The following PMFBP1 variants were observed in gnomAD, a reference collection of about 807,000 sequenced individuals.
The protein encoded by PMFBP1 is polyamine-modulated factor 1-binding protein 1.
A neutral mutation model predicts 137.8 loss-of-function variants in PMFBP1; 131 were observed. The observed-to-expected ratio is 0.95, with a 90% confidence interval of 0.82 to 1.10. PMFBP1 has a LOEUF of 1.10. PMFBP1 is among the 50% of genes least tolerant of loss of function. PMFBP1 has a pLI of 0.00. For synonymous variants in PMFBP1, 490 were observed against 450.4 expected (o/e 1.09, Z -1.11); for missense variants, 1,199 against 1,175.4 (o/e 1.02, Z -0.29).
At chr16:72,228,065 G>T in the PMFBP1 span, among the ~76,000 whole-genome samples, 1 of 152,098 alleles carries the variant, frequency 6.6e-6, no homozygotes, top group Non-Finnish European at 1.5e-5. Flanking sequence ...CCCATCAAAG[G>T]TTTTCAAACT....
upstream of PMFBP1, among the ~76,000 whole-genome samples, chr16:72,173,633 AG>A (rs1490503555): frequency 6.6e-6 from 1 of 152,250 alleles, no homozygotes; most frequent in Non-Finnish European, 1.5e-5. Context: ...GCAGTTTGGA[AG>A]GGCTTATGAT....
intron 19 of PMFBP1, among the ~76,000 whole-genome samples, chr16:72,121,901 A>G (rs1441172402): frequency 6.6e-6 from 1 of 152,030 alleles, no homozygotes; most frequent in African/African-American, 2.4e-5. Flanking sequence ...TTTCACTTTT[A>G]TTTTATTTTC....
At chr16:72,151,164 A>G (rs1273855559) in intron 4 of PMFBP1, among the ~76,000 whole-genome samples, 1 of 152,182 alleles carries the variant, frequency 6.6e-6, no homozygotes, top group Non-Finnish European at 1.5e-5. Flanking sequence ...AGGGCTTGAA[A>G]TGCTGGTATT....
At chr16:72,145,778 A>T (rs1016776691) in intron 5 of PMFBP1, among the ~76,000 whole-genome samples, 6 of 152,254 alleles carry the variant, frequency 3.9e-5, no homozygotes, top group Non-Finnish European at 5.9e-5. Context: ...TAGAAAATCT[A>T]GAAGAAATGG....
the PMFBP1 span, among the ~76,000 whole-genome samples, chr16:72,248,387 CTT>C: frequency 6.6e-6 from 1 of 152,098 alleles, no homozygotes; most frequent in African/African-American, 2.4e-5. Context: ...AGTTAAAACA[CTT>C]TATATCATTG....
chr16:72,125,144 A>G (rs2042435365), intron 16 of PMFBP1, 94 bp downstream of exon 16: 3 of 1,488,870 alleles, frequency 2.0e-6, no homozygotes, highest in Non-Finnish European at 2.7e-6. Context: ...TAGCAGCCCA[A>G]GGGAATGACT....
chr16:72,150,785 T>C lies in PMFBP1; in HGVS notation c.459A>G (p.Thr153=). The C allele has an allele frequency of 6.2e-7, 1 of 1,614,188 alleles. No individual in the cohort carries two copies. The highest frequency in any genetic ancestry group is 8.5e-7 in the Non-Finnish European group (1 of 1,180,032). Reference sequence around the variant, plus strand: ...CCTGCGCCAAATGGAGCTTCTCCCCTGTGTTCTCGTTGTGATTTCCCATTT... The same window carrying C: ...CCTGCGCCAAATGGAGCTTCTCCCCCGTGTTCTCGTTGTGATTTCCCATTT... The part of the protein sequence containing the change: ...EEEMGNHNEN[T]GEKLHLAQEQ... Residue 153 remains threonine, a synonymous_variant, in exon 5 of 21, where the codon ACA becomes ACG. Transcript: ENST00000237353.
At chr16:72,116,862 G>A (rs2042313523), downstream of PMFBP1, among the ~76,000 whole-genome samples, 1 of 152,010 alleles carries the variant, frequency 6.6e-6, no homozygotes, top group African/African-American at 2.4e-5. Flanking sequence ...TGGTTTGTAT[G>A]TCTGTCTTTT....
At chr16:72,127,712 G>A (rs754465757) in intron 14 of PMFBP1, among the ~76,000 whole-genome samples, 26 of 152,160 alleles carry the variant, frequency 1.7e-4, no homozygotes, top group Non-Finnish European at 3.5e-4. Context: ...AATGGTATTA[G>A]GTCTAGATGG....
chr16:72,139,297 T>C lies in PMFBP1; in HGVS notation c.910A>G (p.Ile304Val), dbSNP rs2042679664. The C allele has an allele frequency of 1.2e-6, 2 of 1,612,596 alleles. No individual in the cohort carries two copies. The highest frequency in any genetic ancestry group is 1.7e-6 in the Non-Finnish European group (2 of 1,178,774). ...PPSSSEECED[I>V]KKILKHLQEQ... is the part of the protein sequence containing the mutation. The stretch of plus-strand genomic sequence containing the variant: ...CAGCAAATTTCTCCCACCTTTTTGA[T>C]GTCTTCACACTCTTCTGAGGAGCTA... The change falls in exon 7 of 21, where the codon ATC becomes GTC. Residue 304 changes from isoleucine to valine, a missense_variant. Physicochemically the swap from Ile to Val is conservative, Grantham distance 29. Coordinates refer to ENST00000237353, the MANE Select transcript of PMFBP1 (RefSeq NM_031293.3).
At chr16:72,192,177 G>C in the PMFBP1 span, among the ~76,000 whole-genome samples, 1 of 152,090 alleles carries the variant, frequency 6.6e-6, no homozygotes, top group African/African-American at 2.4e-5. Flanking sequence ...GAGGAGGGAG[G>C]GAAGGAGAGA....
the PMFBP1 span, among the ~76,000 whole-genome samples, chr16:72,249,904 C>T: frequency 4.6e-5 from 5 of 109,750 alleles, no homozygotes; most frequent in Non-Finnish European, 8.3e-5. Context: ...CTGGGTGACA[C>T]AGCGAGACTC....
intron 9 of PMFBP1, among the ~76,000 whole-genome samples, chr16:72,134,229 A>G (rs958317794): frequency 6.6e-5 from 10 of 152,126 alleles, no homozygotes; most frequent in Non-Finnish European, 1.5e-4. Flanking sequence ...TCTGCCCCTC[A>G]GTCAAATTCT....
the PMFBP1 span, among the ~76,000 whole-genome samples, chr16:72,192,937 C>T: frequency 6.7e-6 from 1 of 149,112 alleles, no homozygotes; most frequent in African/African-American, 2.5e-5. Context: ...ATCTAAATGT[C>T]CAAAAGTTAT....
At chr16:72,200,998 C>T in the PMFBP1 span, among the ~76,000 whole-genome samples, 1 of 152,208 alleles carries the variant, frequency 6.6e-6, no homozygotes, top group African/African-American at 2.4e-5. Flanking sequence ...GACTCTCTGC[C>T]TGGACAACTG....
the PMFBP1 span, among the ~76,000 whole-genome samples, chr16:72,219,868 G>C: frequency 6.6e-6 from 1 of 152,218 alleles, no homozygotes; most frequent in Non-Finnish European, 1.5e-5. Flanking sequence ...CTATGCACCA[G>C]AAGAATCCAG....
At chr16:72,151,262 G>A (rs1281761655) in intron 4 of PMFBP1, among the ~76,000 whole-genome samples, 1 of 152,204 alleles carries the variant, frequency 6.6e-6, no homozygotes, top group Non-Finnish European at 1.5e-5. Flanking sequence ...AAGTTCCCAA[G>A]AGATAGGTGG....
At chr16:72,242,145 A>C in the PMFBP1 span, among the ~76,000 whole-genome samples, 2 of 152,168 alleles carry the variant, frequency 1.3e-5, no homozygotes, top group African/African-American at 2.4e-5. Context: ...TTGAAAATTC[A>C]CCTTGATTAT....
upstream of PMFBP1, among the ~76,000 whole-genome samples, chr16:72,178,883 G>A (rs770288436): frequency 3.3e-5 from 5 of 152,114 alleles, no homozygotes; most frequent in Non-Finnish European, 7.3e-5. Context: ...TACCTTACAG[G>A]GTGGTTATGG....
Sources: allele counts gnomAD v4.1 joint callset (sites outside exome capture counted in the v4.1 genomes callset), GRCh38; gene constraint gnomAD v4.1.1; transcripts MANE v1.5; gene names NCBI Gene and HGNC (gene_info 2026-07-23, HGNC 2026-07-21).